Variants in MACROD2 observed in about 807,000 individuals in gnomAD.
The protein encoded by MACROD2 is mono-ADP ribosylhydrolase 2, also known as ADP-ribose glycohydrolase MACROD2.
A neutral mutation model predicts 70.4 loss-of-function variants in MACROD2; 36 were observed. The observed-to-expected ratio is 0.51, with a 90% CI of 0.39 to 0.68. The LOEUF is 0.68. Among genes scored for constraint, MACROD2 ranks in the 30% least tolerant of loss-of-function variants. The pLI, the probability that MACROD2 is intolerant of heterozygous loss-of-function variation, is 0.00. For synonymous variants in MACROD2, 172 were observed against 178.8 expected (o/e 0.96, Z 0.30); for missense variants, 496 against 538.4 (o/e 0.92, Z 0.78).
At chr20:14,082,359 T>A (rs1384335463) in intron 2 of MACROD2, among the ~76,000 whole-genome samples, 2 of 147,934 alleles carry the variant, frequency 1.4e-5, no homozygotes, top group East Asian at 2.0e-4. Flanking sequence ...TTTGTATTTT[T>A]TTTTTTTTTT....
At chr20:14,991,767 C>A (rs6105349) in intron 5 of MACROD2, among the ~76,000 whole-genome samples, 2 of 152,314 alleles carry the variant, frequency 1.3e-5, no homozygotes, top group East Asian at 3.9e-4. Context: ...AATCTCTAGA[C>A]TTGGGCTGTC....
intron 6 of MACROD2, among the ~76,000 whole-genome samples, chr20:15,371,354 C>G: frequency 6.6e-6 from 1 of 152,064 alleles, no homozygotes; most frequent in Non-Finnish European, 1.5e-5. Context: ...AGTGGGAAGC[C>G]AGTTTACCCA....
chr20:15,048,981 G>C (rs1478144004), intron 5 of MACROD2, among the ~76,000 whole-genome samples: 2 of 151,618 alleles, frequency 1.3e-5, no homozygotes, highest in Non-Finnish European at 2.9e-5. Flanking sequence ...TAAATGAACA[G>C]TGCATTATAT....
rs537097006 is a variant in MACROD2 at position 15,482,240 on chromosome 20, T to C, written c.572-17534T>C. Among the ~76,000 whole-genome samples, 8 of 152,332 alleles carry C rather than the reference T, an allele frequency of 5.3e-5. No homozygotes were observed. In the South Asian group the frequency reaches 8.3e-4, roughly 16 times the overall value. On this transcript the variant is annotated intron_variant, in intron 7 of 17. Coordinates refer to ENST00000684519, the MANE Select transcript of MACROD2 (RefSeq NM_001351661.2). The stretch of plus-strand genomic sequence containing the variant: ...ACAAACTCACAGTTACTTTAAGTTT[T>C]CAAGGTTTTTTACTAATAAGTATGG...
chr20:15,290,578 T>C (rs908690041), intron 6 of MACROD2, among the ~76,000 whole-genome samples: 9 of 152,222 alleles, frequency 5.9e-5, no homozygotes, highest in Admixed American at 3.9e-4. Context: ...ATTGCAAACA[T>C]TGTAACAACT....
At chr20:15,288,293 A>C (rs939331284) in intron 6 of MACROD2, among the ~76,000 whole-genome samples, 2 of 152,116 alleles carry the variant, frequency 1.3e-5, no homozygotes, top group Admixed American at 6.5e-5. Flanking sequence ...TGCAAGCTTC[A>C]TTTTCAGGCA....
At chr20:14,690,584 A>C (rs1365111151) in intron 5 of MACROD2, among the ~76,000 whole-genome samples, 1 of 152,238 alleles carries the variant, frequency 6.6e-6, no homozygotes, top group African/African-American at 2.4e-5. Flanking sequence ...TTACAACACA[A>C]AGAGAAATAC....
chr20:15,446,203 ATT>A (rs2146383972), intron 7 of MACROD2, among the ~76,000 whole-genome samples: 1 of 152,222 alleles, frequency 6.6e-6, no homozygotes, highest in East Asian at 1.9e-4. Flanking sequence ...ACCTTCAGCC[ATT>A]GGGTTCATCA....
At chr20:14,325,875 A>C (rs2082724969) in intron 3 of MACROD2, 1 of 1,613,970 alleles carries the variant, frequency 6.2e-7, no homozygotes, top group Non-Finnish European at 8.5e-7. Flanking sequence ...CTAAAGCAAG[A>C]AGGGCAATGG....
chr20:15,157,924 T>C (rs2076320827), intron 5 of MACROD2, among the ~76,000 whole-genome samples: 1 of 152,154 alleles, frequency 6.6e-6, no homozygotes, highest in Non-Finnish European at 1.5e-5. Flanking sequence ...GGCTCCCCAT[T>C]GCTGTGAACC....
intron 8 of MACROD2, among the ~76,000 whole-genome samples, chr20:15,530,425 G>C (rs1339017287): frequency 6.6e-6 from 1 of 152,024 alleles, no homozygotes; most frequent in Non-Finnish European, 1.5e-5. Flanking sequence ...ATTTTTCCAA[G>C]CTGTTTTTTT....
intron 8 of MACROD2, among the ~76,000 whole-genome samples, chr20:15,677,448 C>T (rs1311511894): frequency 6.6e-6 from 1 of 152,082 alleles, no homozygotes; most frequent in Non-Finnish European, 1.5e-5. Flanking sequence ...ATCACTTATG[C>T]AGTCTCCCCA....
chr20:15,008,110 A>T (rs1198743170), intron 5 of MACROD2, among the ~76,000 whole-genome samples: 1 of 152,214 alleles, frequency 6.6e-6, no homozygotes, highest in Non-Finnish European at 1.5e-5. Flanking sequence ...ACGTGCTATT[A>T]GTTCTTTATT....
chr20:14,347,190 G>A (rs1392189883), intron 3 of MACROD2, among the ~76,000 whole-genome samples: 1 of 152,156 alleles, frequency 6.6e-6, no homozygotes. Flanking sequence ...TTAATTTGAG[G>A]TGAAAAGTGT....
intron 5 of MACROD2, among the ~76,000 whole-genome samples, chr20:14,882,183 A>G (rs1333295784): frequency 6.6e-6 from 1 of 152,174 alleles, no homozygotes; most frequent in Non-Finnish European, 1.5e-5. Context: ...CTCACTTGTG[A>G]TGGACTTTCC....
At chr20:14,996,167 G>A (rs542757269) in intron 5 of MACROD2, among the ~76,000 whole-genome samples, 2 of 152,272 alleles carry the variant, frequency 1.3e-5, no homozygotes, top group South Asian at 4.1e-4. Context: ...TGATAGACTT[G>A]TACTACTAAA....
intron 5 of MACROD2, among the ~76,000 whole-genome samples, chr20:15,187,304 C>A (rs983912849): frequency 6.6e-6 from 1 of 152,086 alleles, no homozygotes; most frequent in Non-Finnish European, 1.5e-5. Context: ...TTAAAATATG[C>A]CTTACATCAA....
intron 8 of MACROD2, among the ~76,000 whole-genome samples, chr20:15,642,991 T>G (rs956912712): frequency 3.3e-5 from 5 of 152,202 alleles, no homozygotes; most frequent in African/African-American, 1.2e-4. Context: ...CAATTGAACA[T>G]CTTGTTGGAA....
At chr20:14,434,482 T>G (rs1431304234) in intron 3 of MACROD2, among the ~76,000 whole-genome samples, 1 of 152,130 alleles carries the variant, frequency 6.6e-6, no homozygotes, top group Non-Finnish European at 1.5e-5. Context: ...CTTTCCTTTT[T>G]GGCACCTGAT....
Sources: allele counts gnomAD v4.1 joint callset (sites outside exome capture counted in the v4.1 genomes callset), GRCh38; gene constraint gnomAD v4.1.1; transcripts MANE v1.5; gene names NCBI Gene and HGNC (gene_info 2026-07-23, HGNC 2026-07-21).